LPCAT4: variants seen among roughly 807,000 people sequenced by gnomAD.
LPCAT4 encodes lysophospholipid acyltransferase LPCAT4.
In LPCAT4, 30 loss-of-function variants were observed where a neutral mutation model predicts 66.5. That is an observed-to-expected ratio of 0.45 (90% CI 0.34 to 0.61). LPCAT4 has a LOEUF of 0.61. LPCAT4 is among the 20% of genes least tolerant of loss of function. LPCAT4 has a pLI of 0.01. For synonymous variants in LPCAT4, 253 were observed against 262.1 expected, an observed-to-expected ratio of 0.97 and a Z score of 0.34; for missense variants, 557 against 656.7, an observed-to-expected ratio of 0.85 and a Z score of 1.66.
chr15:34,365,644 G>A lies in LPCAT4; in HGVS notation c.172C>T (p.Leu58Phe), dbSNP rs750743816. 6.8e-6 allele frequency: 11 copies of A among 1,614,196 alleles called. No homozygotes were observed. The highest frequency in any genetic ancestry group is 9.3e-6 in the Non-Finnish European group (11 of 1,180,034). Residue 58 changes from leucine (L) to phenylalanine (F), a missense_variant, in exon 2 of 14, where the codon CTC (leucine) becomes TTC (phenylalanine). By Grantham distance (22) the Leu-to-Phe change is conservative. Around this residue, in one of 4 missense-constraint regions of LPCAT4, gnomAD observed 94 missense variants for 71.5 expected, o/e 1.32. Transcript: ENST00000314891. ...PIRVLLAFIV[L>F]FLLWPFAWLQ... ...CAGGCAAAGGGCCAGAGGAGAAAGA[G>A]GACGATAAAGGCCAGAAGCACTCGG...
chr15:34,365,823 T>G, intron 1 of LPCAT4, 122 bp from the exon 2 acceptor site: 2 of 1,225,282 alleles, frequency 1.6e-6, no homozygotes, highest in Admixed American at 4.6e-5. Context: ...TGACAGGTGG[T>G]GTGGGAACAG....
At position 34,362,285 on chromosome 15, in the gene LPCAT4, T is replaced by C; in HGVS notation, c.921A>G (p.Val307=). Residue 307 remains valine, a synonymous_variant, in exon 10 of 14, where the codon GTA becomes GTG. Transcript: ENST00000314891. ...CCACCACAATCACAGGTAAGCTCCCTACAAACTCACATTCGGTGGCTGGAA... is the reference window on the plus strand; with the variant it reads ...CCACCACAATCACAGGTAAGCTCCCCACAAACTCACATTCGGTGGCTGGAA... The part of the protein sequence containing the change: ...LGIPATECEF[V]GSLPVIVVGR... 1 of 1,614,082 alleles carries C rather than the reference T, an allele frequency of 6.2e-7. No homozygotes were observed. Among genetic ancestry groups the C allele is most frequent in the Non-Finnish European group, 8.5e-7 (1 of 1,180,010 alleles).
In LPCAT4 at chr15:34,361,677, G is replaced by C. The variant is rs143944476; in HGVS notation, c.1011-145C>G. On this transcript the variant is annotated intron_variant, in intron 10 of 13. Transcript: ENST00000314891. ...AAGATGTACTGACTCACAGTCCCTT[G>C]AGAGCACTTCTTACTTTTTTCTTTT... The C allele has an allele frequency of 5.9e-5, 55 of 927,016 alleles. No homozygotes were observed. The African/African-American group carries it at 7.7e-4, about 13-fold the overall frequency. 57.4% of individuals were successfully genotyped at this position (927,016 alleles called of 1,614,324 possible). A position where few individuals can be genotyped will look rare whatever the true frequency, so the allele number is the denominator to read the frequency against.
Position 34,362,304 on chromosome 15 carries a change from G to A in LPCAT4, c.902C>T (p.Ala301Val). 6.2e-7 allele frequency: 1 copy of A among 1,614,148 alleles called. No individual in the cohort carries two copies. The highest frequency in any genetic ancestry group is 2.2e-5 in the East Asian group (1 of 44,874). The change falls in exon 10 of 14, where the codon GCC becomes GTC. Residue 301 changes from alanine to valine, a missense_variant. Ala to Val is a moderately conservative substitution (Grantham distance 64). Around this residue, in one of 4 missense-constraint regions of LPCAT4, gnomAD observed 392 missense variants for 473.9 expected, o/e 0.83. Coordinates refer to ENST00000314891, the MANE Select transcript of LPCAT4 (RefSeq NM_153613.3). ...GCTCCCTACAAACTCACATTCGGTG[G>A]CTGGAATGCCCAGAGCCCTACAGGA... ...RVMAQALGIP[A>V]TECEFVGSLP...
In LPCAT4 at chr15:34,359,241, C is replaced by T. The variant is rs560831711; in HGVS notation, c.1461G>A (p.Leu487=). 1 of 1,569,220 alleles carries T rather than the reference C, an allele frequency of 6.4e-7. No homozygotes were observed. The highest frequency in any genetic ancestry group is 1.3e-5 in the African/African-American group (1 of 74,106). ...TGCCTCGAGAGGTGTGTGGGGGGCG[C>T]AGGTAGGTGCTGAAGAGTTTCCCAT... ...PLYGKLFSTY[L]RPPHTSRGTS... Residue 487 remains leucine (L), a synonymous_variant, in exon 14 of 14, where the codon CTG becomes CTA. Coordinates refer to ENST00000314891, the MANE Select transcript of LPCAT4 (RefSeq NM_153613.3).
chr15:34,362,647 A>G lies in LPCAT4; in HGVS notation c.810T>C (p.Pro270=). The G allele has an allele frequency of 6.3e-7, 1 of 1,598,588 alleles. No individual in the cohort carries two copies. The highest frequency in any genetic ancestry group is 8.5e-7 in the Non-Finnish European group (1 of 1,170,764). Residue 270 remains proline (P), a synonymous_variant, in exon 9 of 14, where the codon CCT becomes CCC. Coordinates refer to ENST00000314891, the MANE Select transcript of LPCAT4 (RefSeq NM_153613.3). ...TCTCCTCAGGGCTGGGGTGATACAC[A>G]GGAAGGAACTGAAACACAGACACAC... The part of the protein sequence containing the change: ...PCSIVDVEFL[P]VYHPSPEESR...
chr15:34,364,427 T>TC (rs2140169323), intron 3 of LPCAT4, 121 bp from the exon 4 acceptor site: 1 of 184,152 alleles, frequency 5.4e-6, no homozygotes, highest in East Asian at 1.2e-4. Flanking sequence ...TTTTTTTTTC[T>TC]GTTGTTGTTG....
rs1192530078 is a variant in LPCAT4 at position 34,363,150 on chromosome 15, G to A, written c.746+272C>T. ...CATGCCTGATGGTGATGGTTCTCAG[G>A]AAGGGATAATTGAGGGAGAAAATCA... On this transcript the variant is annotated intron_variant, in intron 7 of 13. Coordinates refer to ENST00000314891, the MANE Select transcript of LPCAT4 (RefSeq NM_153613.3). The surrounding 1 kb of genome is among the most constrained non-coding windows in gnomAD (Gnocchi z 4.3). 6.6e-6 allele frequency among the ~76,000 whole-genome samples: 1 copy of A among 152,182 alleles called. No homozygotes were observed. Among genetic ancestry groups the A allele is most frequent in the Admixed American group, 6.5e-5 (1 of 15,280 alleles).
In LPCAT4 at chr15:34,363,735, AC is replaced by A; in HGVS notation, c.653-17del. The A allele has an allele frequency of 1.2e-6, 2 of 1,613,368 alleles. No homozygotes were observed. Among genetic ancestry groups the A allele is most frequent in the Non-Finnish European group, 1.7e-6 (2 of 1,179,738 alleles). ...ATGAAGGCTCCTAAATCCCATTTCC[AC>A]CCCCACCCCCACAAGGCAGAGGTTA... On this transcript the variant is annotated splice_polypyrimidine_tract_variant and intron_variant, in intron 5 of 13. Transcript: ENST00000314891. The surrounding 1 kb of genome is among the most constrained non-coding windows in gnomAD (Gnocchi z 4.3).
Position 34,367,170 on chromosome 15 carries a change from C to G in LPCAT4, c.-70G>C. 7.7e-7 allele frequency: 1 copy of G among 1,299,256 alleles called. No individual in the cohort carries two copies. Among genetic ancestry groups the G allele is most frequent in the South Asian group, 1.9e-5 (1 of 52,048 alleles). 80.5% of individuals were successfully genotyped at this position (1,299,256 alleles called of 1,614,324 possible). A position where few individuals can be genotyped will look rare whatever the true frequency, so the allele number is the denominator to read the frequency against. ...CCACCACTCTGCAGAGCAGCTGCTG[C>G]TGCAGCAGCGGCGGCGGCGGCGCTC... On this transcript the variant is annotated 5_prime_UTR_variant, in exon 1 of 14. Transcript: ENST00000314891.
At chr15:34,365,387 C>T (rs1891052744) in intron 2 of LPCAT4, 159 bp from the exon 3 acceptor site, 9 of 1,166,326 alleles carry the variant, frequency 7.7e-6, no homozygotes, top group South Asian at 6.0e-5. Flanking sequence ...TATCAGGGCA[C>T]ATTACTTAGA....
chr15:34,363,811 C>A lies in LPCAT4; in HGVS notation c.653-92G>T. Reference sequence around the variant, plus strand: ...TGAGGTATGGCAGTCTGGGACAGTTCTCAAATGAGATATGGTTTTGTTCCA... The same window carrying A: ...TGAGGTATGGCAGTCTGGGACAGTTATCAAATGAGATATGGTTTTGTTCCA... On this transcript the variant is annotated intron_variant, in intron 5 of 13. Transcript: ENST00000314891. The surrounding 1 kb of genome is among the most constrained non-coding windows in gnomAD (Gnocchi z 4.3). The A allele has an allele frequency of 6.8e-7, 1 of 1,466,476 alleles. No homozygotes were observed. Among genetic ancestry groups the A allele is most frequent in the Admixed American group, 1.7e-5 (1 of 58,978 alleles). The allele number at this position is 1,466,476 out of a possible 1,614,324, so 90.8% of individuals were successfully genotyped here.
Position 34,363,618 on chromosome 15 carries a change from A to G in LPCAT4, c.711+43T>C. 6.2e-7 allele frequency: 1 copy of G among 1,611,456 alleles called. No individual in the cohort carries two copies. Among genetic ancestry groups the G allele is most frequent in the Non-Finnish European group, 8.5e-7 (1 of 1,177,670 alleles). ...TTTCACTTATTTCCATTTGGGGTGG[A>G]TTTGTGCTCCCCCTTTCCACTCTTT... On this transcript the variant is annotated intron_variant, in intron 6 of 13. Coordinates refer to ENST00000314891, the MANE Select transcript of LPCAT4 (RefSeq NM_153613.3). The surrounding 1 kb of genome is among the most constrained non-coding windows in gnomAD (Gnocchi z 4.3).
chr15:34,365,309 G>C, intron 2 of LPCAT4, 81 bp from the exon 3 acceptor site: 1 of 1,419,410 alleles, frequency 7.0e-7, no homozygotes, highest in South Asian at 1.3e-5. Flanking sequence ...CGGGAAAGTA[G>C]GGCACCCCTC....
chr15:34,366,858 G>A, intron 1 of LPCAT4, 129 bp downstream of exon 1: 1 of 1,426,706 alleles, frequency 7.0e-7, no homozygotes, highest in South Asian at 1.3e-5. Flanking sequence ...CGCACCCCCG[G>A]ACTCCCGCTC....
At chr15:34,365,287 A>C in intron 2 of LPCAT4, 59 bp from the exon 3 acceptor site, 1 of 1,508,924 alleles carries the variant, frequency 6.6e-7, no homozygotes, top group African/African-American at 1.4e-5. Flanking sequence ...ACCCGCCCCC[A>C]GGTTCAGACA....
rs540804331 is a variant in LPCAT4, at chr15:34,359,922, C to T, written c.1243-177G>A. ...CTTTATAGCTTTTTCCTTCTTCTTC[C>T]TTCTTCTTGTGCCCAGCTAGGTCTC... On this transcript the variant is annotated intron_variant, in intron 12 of 13. Transcript: ENST00000314891. 1.7e-5 allele frequency: 14 copies of T among 820,480 alleles called. No homozygotes were observed. In the East Asian group the frequency reaches 3.2e-4, roughly 19 times the overall value. 50.8% of individuals were successfully genotyped at this position (820,480 alleles called of 1,614,324 possible). A position where few individuals can be genotyped will look rare whatever the true frequency, so the allele number is the denominator to read the frequency against.
chr15:34,360,262 G>T, intron 11 of LPCAT4, 53 bp from the exon 12 acceptor site: 1 of 1,430,148 alleles, frequency 7.0e-7, no homozygotes, highest in Non-Finnish European at 9.8e-7. Context: ...CTCCCTTCCT[G>T]CTCTTTGGAT....
rs1890874956 is a variant in LPCAT4 at position 34,358,981 on chromosome 15, TCAAC to T, written c.*142_*145del. The T allele has an allele frequency of 1.1e-5, 6 of 537,122 alleles. No homozygotes were observed. Among genetic ancestry groups the T allele is most frequent in the East Asian group, 3.5e-5 (1 of 28,384 alleles). The allele number at this position is 537,122 out of a possible 1,614,324, so 33.3% of individuals were successfully genotyped here. ...TATAAAATAGTTTTTTACAAAAAAATCAACCAAACAAAAAATTAAAATCAACTTA... is the reference window on the plus strand; with the variant it reads ...TATAAAATAGTTTTTTACAAAAAAATCAAACAAAAAATTAAAATCAACTTA... On this transcript the variant is annotated 3_prime_UTR_variant, in exon 14 of 14. Transcript: ENST00000314891.
Sources: allele counts gnomAD v4.1 joint callset (sites outside exome capture counted in the v4.1 genomes callset), GRCh38; gene constraint gnomAD v4.1.1; regional missense constraint gnomAD v4.1.1; non-coding constraint Gnocchi (gnomAD v3.1); transcripts MANE v1.5; gene names NCBI Gene and HGNC (gene_info 2026-07-23, HGNC 2026-07-21).